SCP2: variants seen among roughly 807,000 people sequenced by gnomAD.
SCP2 encodes SCP-2/3-oxoacyl-CoA thiolase.
In SCP2, 48 loss-of-function variants were observed where a neutral mutation model predicts 71.4. That is an observed-to-expected ratio of 0.67 (90% CI 0.53 to 0.86). The LOEUF is 0.86. Among genes scored for constraint, SCP2 ranks in the 40% least tolerant of loss-of-function variants. The pLI is 0.00. For missense variants in SCP2, 560 were observed against 655.6 expected, an observed-to-expected ratio of 0.85 and a Z score of 1.59; for synonymous variants, 220 against 218.1, an observed-to-expected ratio of 1.01 and a Z score of -0.08.
At chr1:53,050,478 C>T (rs1557637905) in intron 15 of SCP2, 131 bp from the exon 16 acceptor site, 4 of 656,664 alleles carry the variant, frequency 6.1e-6, no homozygotes, top group Non-Finnish European at 1.1e-5. Context: ...TTCCAGAAAG[C>T]CAAGTTTCAT....
chr1:52,936,569 G>A (rs1354288013), intron 1 of SCP2, among the ~76,000 whole-genome samples: 1 of 152,168 alleles, frequency 6.6e-6, no homozygotes, highest in Non-Finnish European at 1.5e-5. Flanking sequence ...TCCAGACTCT[G>A]GGAAACTGTA....
chr1:52,960,537 T>G (rs973251866), intron 5 of SCP2, among the ~76,000 whole-genome samples: 6 of 147,250 alleles, frequency 4.1e-5, no homozygotes, highest in Non-Finnish European at 7.5e-5. Flanking sequence ...TGTATATATA[T>G]GTATGTATAT....
intron 1 of SCP2, among the ~76,000 whole-genome samples, chr1:52,938,573 T>C (rs1315520287): frequency 6.6e-6 from 1 of 152,206 alleles, no homozygotes; most frequent in Non-Finnish European, 1.5e-5. Context: ...TCACATTGTG[T>C]CTAGGATGAT....
chr1:52,933,947 T>C (rs1653409361), intron 1 of SCP2, among the ~76,000 whole-genome samples: 1 of 152,242 alleles, frequency 6.6e-6, no homozygotes. Flanking sequence ...GTAGTCACTA[T>C]ATTTGTCATG....
At chr1:52,965,100 A>G (rs1656834967) in intron 6 of SCP2, among the ~76,000 whole-genome samples, 2 of 152,252 alleles carry the variant, frequency 1.3e-5, no homozygotes, top group African/African-American at 4.8e-5. Flanking sequence ...TAGTCACTAC[A>G]GTGATAAAAA....
rs60893788 is a variant in SCP2, at chr1:52,999,815, G to GTTTTTTTTTTTTTT, written c.1081+11685_1081+11698dup. Among the ~76,000 whole-genome samples the GTTTTTTTTTTTTTT allele has an allele frequency of 7.6e-4, 83 of 109,362 alleles. 6 individuals carry two copies. The East Asian group carries it at 0.011, about 14-fold the overall frequency. 71.7% of individuals were successfully genotyped at this position (109,362 alleles called of 152,430 possible). A position where few individuals can be genotyped will look rare whatever the true frequency, so the allele number is the denominator to read the frequency against. ...ACTATCCAACACTTACTGAACACTT[G>GTTTTTTTTTTTTTT]TTTTTTTTTTTTTTTTTTTGAGACA... On this transcript the variant is annotated intron_variant, in intron 11 of 15. Coordinates refer to ENST00000371514, the MANE Select transcript of SCP2 (RefSeq NM_002979.5).
chr1:52,998,987 A>G lies in SCP2; in HGVS notation c.1081+10851A>G, dbSNP rs561984962. On this transcript the variant is annotated intron_variant, in intron 11 of 15. Transcript: ENST00000371514. ...AGAGATACCTCAGGAAATCTGCAGT[A>G]TCCTTTGATAACCCTTTCTAACATT... 2.4e-3 allele frequency among the ~76,000 whole-genome samples: 370 copies of G among 152,350 alleles called. 1 individual carries two copies. The highest frequency in any genetic ancestry group is 8.7e-3 in the African/African-American group (361 of 41,584).
At position 52,927,285 on chromosome 1, in the gene SCP2, T is replaced by G. The variant is rs1652500471; in HGVS notation, c.-112T>G. 1.2e-5 allele frequency: 9 copies of G among 771,100 alleles called. No homozygotes were observed. The highest frequency in any genetic ancestry group is 6.4e-5 in the Admixed American group (3 of 46,736). 47.8% of individuals were successfully genotyped at this position (771,100 alleles called of 1,614,324 possible). A position where few individuals can be genotyped will look rare whatever the true frequency, so the allele number is the denominator to read the frequency against. ...ACGCACGCGCACTCTCACGCGCCTG[T>G]GTTGCCGCCCGCGGCCCTGGCTTCG... On this transcript the variant is annotated 5_prime_UTR_variant, in exon 1 of 16. Coordinates refer to ENST00000371514, the MANE Select transcript of SCP2 (RefSeq NM_002979.5).
intron 3 of SCP2, among the ~76,000 whole-genome samples, chr1:52,950,079 G>A (rs1655152489): frequency 6.6e-6 from 1 of 151,958 alleles, no homozygotes; most frequent in Non-Finnish European, 1.5e-5. Flanking sequence ...GTAAATCATG[G>A]CCTTTAATCA....
chr1:53,035,997 G>A (rs553838896), intron 13 of SCP2, among the ~76,000 whole-genome samples: 47 of 144,212 alleles, frequency 3.3e-4, no homozygotes, highest in Non-Finnish European at 5.8e-4. Flanking sequence ...TCCAGCCTGG[G>A]CGACAGAGCG....
intron 6 of SCP2, among the ~76,000 whole-genome samples, chr1:52,971,878 A>G (rs903257163): frequency 4.6e-5 from 7 of 152,278 alleles, no homozygotes; most frequent in Non-Finnish European, 8.8e-5. Flanking sequence ...TTAAAGTAAT[A>G]TTTCTAGGTT....
intron 5 of SCP2, among the ~76,000 whole-genome samples, chr1:52,960,612 ATGTATATATGTATGTATATATG>A (rs1463230902): frequency 8.1e-5 from 12 of 147,882 alleles, no homozygotes; most frequent in African/African-American, 1.2e-4. Flanking sequence ...GTATGTATAT[ATGTATATATGTATGTATATATG>A]TGTATATATG....
At chr1:53,006,906 C>A (rs1660673751) in intron 11 of SCP2, among the ~76,000 whole-genome samples, 1 of 151,986 alleles carries the variant, frequency 6.6e-6, no homozygotes, top group Admixed American at 6.6e-5. Flanking sequence ...CAGAGACACA[C>A]ATAGGCTCAA....
intron 11 of SCP2, chr1:52,993,803 T>C: frequency 1.3e-6 from 2 of 1,538,178 alleles, no homozygotes; most frequent in Non-Finnish European, 1.8e-6. Flanking sequence ...CAAGAGGTAA[T>C]CAATATCCTG....
rs143310957 is a variant in SCP2 at position 52,987,418 on chromosome 1, A to C, written c.974-611A>C. On this transcript the variant is annotated intron_variant, in intron 10 of 15. Transcript: ENST00000371514. ...ATTACTTTATCGTAAATAGATGTGG[A>C]AGACAATTTTATACAATACATCCAT... 3.4e-3 allele frequency among the ~76,000 whole-genome samples: 522 copies of C among 152,324 alleles called. 3 individuals are homozygous for C. The highest frequency in any genetic ancestry group is 0.012 in the African/African-American group (495 of 41,576).
chr1:52,989,740 C>G (rs949067739), intron 11 of SCP2, among the ~76,000 whole-genome samples: 1 of 152,158 alleles, frequency 6.6e-6, no homozygotes, highest in African/African-American at 2.4e-5. Context: ...AACAAAGTAG[C>G]TACCTCAGGT....
chr1:52,996,264 C>A (rs1358944394), intron 11 of SCP2, among the ~76,000 whole-genome samples: 1 of 152,186 alleles, frequency 6.6e-6, no homozygotes, highest in Non-Finnish European at 1.5e-5. Flanking sequence ...CCTTCTGGTG[C>A]CCATCCCTTC....
At chr1:52,999,972 A>G (rs1225511740) in intron 11 of SCP2, among the ~76,000 whole-genome samples, 4 of 152,012 alleles carry the variant, frequency 2.6e-5, no homozygotes, top group Admixed American at 6.6e-5. Context: ...ACCTGTCACC[A>G]TGCCCGGCTA....
rs777240423 is a variant in SCP2 at position 53,050,653 on chromosome 1, C to A, written c.1593C>A (p.Leu531=). 1 of 1,613,660 alleles carries A rather than the reference C, an allele frequency of 6.2e-7. No homozygotes were observed. ...GKLKITGNMG[L]AMKLQNLQLQ... is the part of the protein sequence containing the mutation. ...TGAAAATCACTGGCAACATGGGTCT[C>A]GCTATGAAGTTACAAAATCTTCAGC... is the stretch of plus-strand genomic sequence containing the variant. The change falls in exon 16 of 16, where the codon CTC becomes CTA. Residue 531 remains leucine, a synonymous_variant. Coordinates refer to ENST00000371514, the MANE Select transcript of SCP2 (RefSeq NM_002979.5).
Sources: allele counts gnomAD v4.1 joint callset (sites outside exome capture counted in the v4.1 genomes callset), GRCh38; gene constraint gnomAD v4.1.1; transcripts MANE v1.5; gene names NCBI Gene and HGNC (gene_info 2026-07-23, HGNC 2026-07-21).